HINFP: variants seen among roughly 807,000 people sequenced by gnomAD.
The protein encoded by HINFP is MBD2 (methyl-CpG-binding protein)-interacting zinc finger protein.
HINFP carries 20 observed loss-of-function variants against 50.1 expected under a neutral mutation model. That is an observed-to-expected ratio of 0.40 (90% CI 0.28 to 0.58). The LOEUF is 0.58. Among genes scored for constraint, HINFP ranks in the 20% least tolerant of loss-of-function variants. The probability of loss-of-function intolerance (pLI) is 0.45; values close to 1 mark genes in which losing one functional copy is unlikely to be tolerated. For synonymous variants in HINFP, 247 were observed against 243.7 expected (o/e 1.01, Z -0.13); for missense variants, 505 against 664.1 (o/e 0.76, Z 2.63).
intron 2 of HINFP, among the ~76,000 whole-genome samples, chr11:119,127,996 GGC>G (rs1229070489): frequency 6.6e-6 from 1 of 151,672 alleles, no homozygotes; most frequent in Non-Finnish European, 1.5e-5. Context: ...TGGGACTACA[GGC>G]GCGCGCCACC....
intron 2 of HINFP, 22 bp from the exon 3 acceptor site, chr11:119,130,703 C>T (rs553332618): frequency 6.2e-7 from 1 of 1,607,262 alleles, no homozygotes; most frequent in South Asian, 1.1e-5. Flanking sequence ...TCAGACTCTT[C>T]CTTTTAAACC....
At chr11:119,128,827 T>C (rs1395101521) in intron 2 of HINFP, among the ~76,000 whole-genome samples, 2 of 151,858 alleles carry the variant, frequency 1.3e-5, no homozygotes, top group African/African-American at 4.8e-5. Flanking sequence ...GCCTCCCGAG[T>C]AGCTGGGATT....
Position 119,130,782 on chromosome 11 carries a change from C to T in HINFP, c.239C>T (p.Ala80Val). 6.2e-7 allele frequency: 1 copy of T among 1,614,228 alleles called. No homozygotes were observed. Among genetic ancestry groups the T allele is most frequent in the Non-Finnish European group, 8.5e-7 (1 of 1,180,040 alleles). Residue 80 changes from alanine to valine, a missense_variant, in exon 3 of 10, where the codon GCT becomes GTT. Physicochemically the swap from Ala to Val is moderately conservative, Grantham distance 64. Coordinates refer to ENST00000350777, the MANE Select transcript of HINFP (RefSeq NM_198971.3). ...ECGFCSLDSS[A>V]DLIRHVYFHC... ...GGCTTTTGTTCTCTGGACAGTTCTG[C>T]TGACCTCATCCGCCATGTCTACTTC...
chr11:119,127,473 G>GTTTTTTTTTTT (rs57165169), intron 2 of HINFP: 10 of 68,940 alleles, frequency 1.5e-4, no homozygotes, highest in Non-Finnish European at 2.4e-4. Context: ...TTGTTGTTGT[G>GTTTTTTTTTTT]TTTTTTTTTT....
rs779879011 is a variant in HINFP, at chr11:119,131,030, A to T, written c.411+76A>T. On this transcript the variant is annotated intron_variant, in intron 3 of 9. Coordinates refer to ENST00000350777, the MANE Select transcript of HINFP (RefSeq NM_198971.3). The surrounding 1 kb of genome is among the most constrained non-coding windows in gnomAD (Gnocchi z 4.2). ...CTCTGATGCCTTGTCCCTTTCAGGGATGCCTTATATTTCCAAGATTCCTGC... is the reference window on the plus strand; with the variant it reads ...CTCTGATGCCTTGTCCCTTTCAGGGTTGCCTTATATTTCCAAGATTCCTGC... 6.1e-6 allele frequency: 7 copies of T among 1,153,462 alleles called. No individual in the cohort carries two copies. Among genetic ancestry groups the T allele is most frequent in the African/African-American group, 1.5e-5 (1 of 65,844 alleles). 71.5% of individuals were successfully genotyped at this position (1,153,462 alleles called of 1,614,324 possible).
intron 2 of HINFP, among the ~76,000 whole-genome samples, chr11:119,128,181 C>T (rs642283): frequency 6.6e-6 from 1 of 151,926 alleles, no homozygotes; most frequent in Non-Finnish European, 1.5e-5. Context: ...CTTTGTCTGA[C>T]TTATGTTTTA....
chr11:119,124,175 A>G (rs1947256618), intron 1 of HINFP: 3 of 152,158 alleles, frequency 2.0e-5, no homozygotes, highest in African/African-American at 7.2e-5. Flanking sequence ...GCAACCCTAT[A>G]TGCACCCCAG....
At chr11:119,133,823 A>T in intron 9 of HINFP, 1 of 571,140 alleles carries the variant, frequency 1.8e-6, no homozygotes, top group Non-Finnish European at 3.1e-6. Context: ...ATCCTTTGAC[A>T]CTTTCACCCT....
intron 2 of HINFP, among the ~76,000 whole-genome samples, chr11:119,128,978 A>G (rs1455198585): frequency 1.3e-5 from 2 of 152,162 alleles, no homozygotes; most frequent in Non-Finnish European, 2.9e-5. Flanking sequence ...AGAGGAATAA[A>G]ATAACTTGCC....
At chr11:119,132,401 G>A in intron 5 of HINFP, 95 bp from the exon 6 acceptor site, 1 of 1,214,332 alleles carries the variant, frequency 8.2e-7, no homozygotes, top group South Asian at 1.3e-5. Flanking sequence ...TTTCTCCTTG[G>A]GTGGTTCCCT....
At chr11:119,122,638 A>G (rs1347644668) in intron 1 of HINFP, among the ~76,000 whole-genome samples, 9 of 152,090 alleles carry the variant, frequency 5.9e-5, no homozygotes. Context: ...TGAATCTGAG[A>G]ATGAGAAGTG....
rs766129494 is a variant in HINFP at position 119,131,567 on chromosome 11, G to C, written c.444G>C (p.Arg148=). Residue 148 remains arginine (R), a synonymous_variant, in exon 4 of 10, where the codon CGG becomes CGC. Coordinates refer to ENST00000350777, the MANE Select transcript of HINFP (RefSeq NM_198971.3). This position sits in a 1 kb window ranked among gnomAD's most constrained non-coding sequence, Gnocchi z 4.2. ...TCGACAATCCTGAGTGGTTTTATCG[G>C]CATGTGGAAGCACACAGTCTGTGCT... The part of the protein sequence containing the change: ...NSFDNPEWFY[R]HVEAHSLCCE... 3 of 1,614,026 alleles carry C rather than the reference G, an allele frequency of 1.9e-6. No homozygotes were observed. The highest frequency in any genetic ancestry group is 2.7e-5 in the African/African-American group (2 of 74,932).
At chr11:119,132,814 T>C (rs370250147) in intron 7 of HINFP, 33 bp downstream of exon 7, 19 of 1,613,786 alleles carry the variant, frequency 1.2e-5, no homozygotes, top group Non-Finnish European at 1.4e-5. Context: ...AAACAGCTCA[T>C]GTTCCAGTGT....
In HINFP at chr11:119,135,167, T is replaced by G. The variant is rs1429443909; in HGVS notation, c.*669T>G. ...TCCCCTTCTGGTGACTCAGGTGGTT[T>G]GTTTTTTGTTTGCTTAACTGTCCTG... On this transcript the variant is annotated 3_prime_UTR_variant, in exon 10 of 10. Coordinates refer to ENST00000350777, the MANE Select transcript of HINFP (RefSeq NM_198971.3). 6.6e-6 allele frequency: 1 copy of G among 152,472 alleles called. No individual in the cohort carries two copies. Among genetic ancestry groups the G allele is most frequent in the Non-Finnish European group, 1.5e-5 (1 of 68,054 alleles). The allele number at this position is 152,472 out of a possible 1,614,324, so 9.4% of individuals were successfully genotyped here.
In HINFP at chr11:119,132,002, G is replaced by C. The variant is rs776135079; in HGVS notation, c.676+20G>C. ...TGGATCGTAAGTAGTCAGAGGAAGT[G>C]GGGTGGATGCAGGCTGTCCTGCTTG... On this transcript the variant is annotated intron_variant, in intron 5 of 9. Transcript: ENST00000350777. 7.4e-6 allele frequency: 12 copies of C among 1,613,428 alleles called. No individual in the cohort carries two copies. The highest frequency in any genetic ancestry group is 1.7e-5 in the Admixed American group (1 of 60,010).
chr11:119,135,190 C>G lies in HINFP; in HGVS notation c.*692C>G, dbSNP rs75905572. 11,204 of 152,338 alleles carry G rather than the reference C, an allele frequency of 0.074. 598 individuals are homozygous for G. Among genetic ancestry groups the G allele is most frequent in the South Asian group, 0.29 (1,423 of 4,824 alleles). The allele number at this position is 152,338 out of a possible 1,614,324, so 9.4% of individuals were successfully genotyped here. A position where few individuals can be genotyped will look rare whatever the true frequency, so the allele number is the denominator to read the frequency against. ...TTTGTTTTTTGTTTGCTTAACTGTC[C>G]TGTTGTCTTCTCCTCCTCCCCTTGG... On this transcript the variant is annotated 3_prime_UTR_variant, in exon 10 of 10. Transcript: ENST00000350777.
At chr11:119,127,670 T>C (rs564259293) in intron 2 of HINFP, among the ~76,000 whole-genome samples, 3 of 152,068 alleles carry the variant, frequency 2.0e-5, no homozygotes, top group African/African-American at 7.2e-5. Flanking sequence ...CCCGAGTAGT[T>C]AGGACTGCAG....
At chr11:119,125,036 T>TGTG (rs1491223191) in intron 1 of HINFP, 47 of 80,808 alleles carry the variant, frequency 5.8e-4, no homozygotes, top group African/African-American at 1.4e-3. Flanking sequence ...TGTGTGTGTG[T>TGTG]TTTTTTTTTT....
chr11:119,133,352 G>T, intron 9 of HINFP, 133 bp downstream of exon 9: 2 of 1,113,046 alleles, frequency 1.8e-6, no homozygotes, highest in Non-Finnish European at 2.6e-6. Context: ...AGGCCAAGGT[G>T]GGCGGATCAT....
Sources: allele counts gnomAD v4.1 joint callset (sites outside exome capture counted in the v4.1 genomes callset), GRCh38; gene constraint gnomAD v4.1.1; non-coding constraint Gnocchi (gnomAD v3.1); transcripts MANE v1.5; gene names NCBI Gene and HGNC (gene_info 2026-07-23, HGNC 2026-07-21).